The following CALN1 variants were observed in gnomAD, a reference collection of about 807,000 sequenced individuals.
The protein encoded by CALN1 is calcium-binding protein 8.
Under a neutral mutation model 30.6 loss-of-function variants are expected in CALN1, and 17 were observed. That is an observed-to-expected ratio of 0.56 (90% CI 0.38 to 0.83). The LOEUF (loss-of-function observed/expected upper bound fraction) is 0.83, where lower values mean the gene tolerates loss of function less well. Ranked by LOEUF, CALN1 falls within the 40% of genes least tolerant of loss-of-function variation. CALN1 has a pLI of 0.00. For missense variants in CALN1, 291 were observed against 354.9 expected (o/e 0.82, Z 1.45); for synonymous variants, 156 against 131.4 (o/e 1.19, Z -1.28).
chr7:71,953,473 C>T (rs1076303), intron 5 of CALN1, among the ~76,000 whole-genome samples: 69,244 of 151,808 alleles, frequency 0.46, 16,150 homozygotes, highest in East Asian at 0.72. Flanking sequence ...AAGATATAGT[C>T]ACCTCTTCTT....
chr7:72,431,115 A>G (rs1807961701), intron 1 of CALN1, among the ~76,000 whole-genome samples: 1 of 151,894 alleles, frequency 6.6e-6, no homozygotes, highest in East Asian at 1.9e-4. Context: ...TTTTCAGTAA[A>G]GACAGGGTTT....
chr7:72,019,328 T>C (rs1487897333), intron 5 of CALN1, among the ~76,000 whole-genome samples: 1 of 152,086 alleles, frequency 6.6e-6, no homozygotes, highest in Non-Finnish European at 1.5e-5. Context: ...AATTACAGAA[T>C]CTTTACCCTT....
At chr7:72,104,278 C>CT (rs1302814205) in intron 4 of CALN1, 1 of 152,278 alleles carries the variant, frequency 6.6e-6, no homozygotes, top group Non-Finnish European at 1.5e-5. Flanking sequence ...ATTGACCAGT[C>CT]TCTCAGACAA....
chr7:72,078,659 G>A (rs1804911866), intron 4 of CALN1, among the ~76,000 whole-genome samples: 2 of 152,196 alleles, frequency 1.3e-5, no homozygotes, highest in African/African-American at 2.4e-5. Flanking sequence ...AGGGTCGGGC[G>A]CAGTGGCTTG....
At chr7:71,840,098 T>C (rs1443697674) in intron 5 of CALN1, among the ~76,000 whole-genome samples, 5 of 152,218 alleles carry the variant, frequency 3.3e-5, no homozygotes, top group Non-Finnish European at 7.3e-5. Flanking sequence ...TGAGATATTT[T>C]CCTATCCTTT....
intron 1 of CALN1, among the ~76,000 whole-genome samples, chr7:72,404,459 CAG>C (rs764731751): frequency 9.2e-5 from 14 of 152,330 alleles, no homozygotes; most frequent in African/African-American, 2.4e-4. Flanking sequence ...ATGTGAAGTT[CAG>C]AGAGTGTAAA....
intron 2 of CALN1, among the ~76,000 whole-genome samples, chr7:72,334,471 G>T (rs986283883): frequency 6.6e-6 from 1 of 152,102 alleles, no homozygotes; most frequent in Non-Finnish European, 1.5e-5. Context: ...CCACTGGAGA[G>T]ATAAATGTAA....
intron 5 of CALN1, among the ~76,000 whole-genome samples, chr7:71,907,333 G>A (rs1794194823): frequency 6.6e-6 from 1 of 151,992 alleles, no homozygotes; most frequent in Non-Finnish European, 1.5e-5. Context: ...CTCTCCCTGT[G>A]AAGTCAATAT....
chr7:72,359,319 A>G (rs970175081), intron 2 of CALN1, among the ~76,000 whole-genome samples: 2 of 152,178 alleles, frequency 1.3e-5, no homozygotes, highest in South Asian at 2.1e-4. Context: ...ACAATATTCA[A>G]TAACACATCT....
At chr7:72,350,308 C>G (rs1802855930) in intron 2 of CALN1, among the ~76,000 whole-genome samples, 2 of 152,144 alleles carry the variant, frequency 1.3e-5, no homozygotes, top group African/African-American at 4.8e-5. Context: ...ATGAATCGTT[C>G]TACCATAAAG....
chr7:72,336,629 G>A (rs1562900987), intron 2 of CALN1: 1 of 943,688 alleles, frequency 1.1e-6, no homozygotes, highest in South Asian at 4.9e-5. Context: ...ACACCCTAGA[G>A]AGAAGCGAGG....
At chr7:72,483,280 C>CTTTTTTTTTT in the CALN1 span, among the ~76,000 whole-genome samples, 4 of 100,116 alleles carry the variant, frequency 4.0e-5, no homozygotes, top group Admixed American at 1.1e-4. Flanking sequence ...TTTTCTTTTT[C>CTTTTTTTTTT]TTTTTTTTTT....
chr7:71,909,320 C>T (rs564228826), intron 5 of CALN1, among the ~76,000 whole-genome samples: 39 of 152,084 alleles, frequency 2.6e-4, no homozygotes, highest in Non-Finnish European at 5.3e-4. Context: ...TTTCTCATTG[C>T]GGCAAGCCAT....
At chr7:72,351,188 G>C (rs759292770) in intron 2 of CALN1, among the ~76,000 whole-genome samples, 7 of 151,904 alleles carry the variant, frequency 4.6e-5, no homozygotes, top group Non-Finnish European at 7.4e-5. Context: ...GTGAAATAAA[G>C]AGTTTTTCAG....
intron 5 of CALN1, among the ~76,000 whole-genome samples, chr7:71,831,566 C>G (rs1436314455): frequency 6.6e-6 from 1 of 151,954 alleles, no homozygotes; most frequent in African/African-American, 2.4e-5. Context: ...TCCTTATCCA[C>G]CTTATAGAGG....
At chr7:72,213,618 G>A (rs1792568562) in intron 3 of CALN1, among the ~76,000 whole-genome samples, 1 of 152,184 alleles carries the variant, frequency 6.6e-6, no homozygotes, top group Non-Finnish European at 1.5e-5. Context: ...AAGTGTATGA[G>A]CTAATGTTTA....
At chr7:72,361,857 G>A (rs976365182) in intron 2 of CALN1, among the ~76,000 whole-genome samples, 7 of 152,160 alleles carry the variant, frequency 4.6e-5, no homozygotes, top group Non-Finnish European at 7.4e-5. Context: ...GCTTAAGCAC[G>A]TAAAGTTATA....
intron 5 of CALN1, among the ~76,000 whole-genome samples, chr7:71,962,688 G>T (rs1177227537): frequency 6.6e-6 from 1 of 152,226 alleles, no homozygotes; most frequent in African/African-American, 2.4e-5. Flanking sequence ...CACTTTGGGT[G>T]CCGTGAGGAG....
intron 4 of CALN1, among the ~76,000 whole-genome samples, chr7:72,096,962 C>T (rs184018095): frequency 2.0e-5 from 3 of 152,264 alleles, no homozygotes; most frequent in East Asian, 1.9e-4. Context: ...ACATACACCA[C>T]GGAATACTAT....
Sources: allele counts gnomAD v4.1 joint callset (sites outside exome capture counted in the v4.1 genomes callset), GRCh38; gene constraint gnomAD v4.1.1; transcripts MANE v1.5; gene names NCBI Gene and HGNC (gene_info 2026-07-23, HGNC 2026-07-21).